Variants in EPHA7 observed in about 807,000 individuals in gnomAD.
The protein encoded by EPHA7 is EPH receptor A7, also known as ephrin type-A receptor 7.
In EPHA7, 25 loss-of-function variants were observed where a neutral mutation model predicts 112.6. The ratio of observed to expected loss-of-function variants is 0.22; its 90% CI spans 0.16 to 0.31. The LOEUF (loss-of-function observed/expected upper bound fraction) is 0.31, where lower values mean the gene tolerates loss of function less well. Ranked by LOEUF, EPHA7 falls within the 10% of genes least tolerant of loss-of-function variation. EPHA7 has a pLI of 1.00. For synonymous variants in EPHA7, 437 were observed against 406.5 expected, an observed-to-expected ratio of 1.07 and a Z score of -0.90; for missense variants, 962 against 1,212.6, an observed-to-expected ratio of 0.79 and a Z score of 3.07.
At position 93,258,231 on chromosome 6, in the gene EPHA7, C is replaced by T. The variant is rs780064217; in HGVS notation, c.1978G>A (p.Val660Ile). The change falls in exon 11 of 17, where the codon GTT (valine) becomes ATT (isoleucine). Residue 660 changes from valine to isoleucine, a missense_variant. Transcript: ENST00000369303. ...GRLKLPGKRD[V>I]AVAIKTLKVG... ...TTCAGGGTTTTTATGGCTACTGCAACATCTCTTTTCCCTGGAAGTTTCAAA... is the reference window on the plus strand; with the variant it reads ...TTCAGGGTTTTTATGGCTACTGCAATATCTCTTTTCCCTGGAAGTTTCAAA... The T allele has an allele frequency of 6.2e-7, 1 of 1,612,546 alleles. No individual in the cohort carries two copies. The highest frequency in any genetic ancestry group is 8.5e-7 in the Non-Finnish European group (1 of 1,179,234).
chr6:93,262,337 CA>C (rs752930957), intron 9 of EPHA7, among the ~76,000 whole-genome samples: 2 of 151,456 alleles, frequency 1.3e-5, no homozygotes, highest in Admixed American at 6.6e-5. Flanking sequence ...GCCAGATTAG[CA>C]AAAGGAAGTT....
intron 2 of EPHA7, among the ~76,000 whole-genome samples, chr6:93,412,966 G>A (rs1458219714): frequency 6.6e-6 from 1 of 151,800 alleles, no homozygotes; most frequent in Non-Finnish European, 1.5e-5. Flanking sequence ...TTCCAGAGGG[G>A]AATGCTTCAG....
At chr6:93,351,979 T>C (rs1271926117) in intron 5 of EPHA7, among the ~76,000 whole-genome samples, 1 of 152,130 alleles carries the variant, frequency 6.6e-6, no homozygotes, top group South Asian at 2.1e-4. Flanking sequence ...TCTAAAATCA[T>C]GTAATTATGT....
chr6:93,363,620 T>A (rs1411650765), intron 3 of EPHA7, among the ~76,000 whole-genome samples: 3 of 152,176 alleles, frequency 2.0e-5, no homozygotes, highest in Non-Finnish European at 4.4e-5. Context: ...TGTGGGAATG[T>A]AAAATGGTGC....
intron 5 of EPHA7, among the ~76,000 whole-genome samples, chr6:93,335,627 A>G (rs1455279786): frequency 6.6e-6 from 1 of 152,114 alleles, no homozygotes; most frequent in Non-Finnish European, 1.5e-5. Context: ...CCCATAACTT[A>G]ACCAGTAATA....
chr6:93,361,056 C>T (rs891326835), intron 3 of EPHA7, among the ~76,000 whole-genome samples: 1 of 151,960 alleles, frequency 6.6e-6, no homozygotes, highest in Admixed American at 6.6e-5. Flanking sequence ...TCCCAACATA[C>T]CTTAAGAAGA....
intron 3 of EPHA7, among the ~76,000 whole-genome samples, chr6:93,376,671 G>A (rs1220746121): frequency 6.6e-6 from 1 of 152,072 alleles, no homozygotes; most frequent in East Asian, 1.9e-4. Flanking sequence ...TAGATTGTAT[G>A]CATAAATGCA....
chr6:93,355,171 G>T (rs1360003501), intron 5 of EPHA7, among the ~76,000 whole-genome samples: 1 of 152,022 alleles, frequency 6.6e-6, no homozygotes, highest in Admixed American at 6.6e-5. Flanking sequence ...GTAAGTCCAG[G>T]TAATTAGCTA....
intron 5 of EPHA7, among the ~76,000 whole-genome samples, chr6:93,307,825 A>C (rs886966851): frequency 3.9e-5 from 6 of 152,200 alleles, no homozygotes; most frequent in African/African-American, 1.4e-4. Context: ...CCATACGTTG[A>C]GCTTGGGAGA....
intron 1 of EPHA7, among the ~76,000 whole-genome samples, chr6:93,418,352 C>A (rs1779349038): frequency 1.3e-5 from 2 of 152,224 alleles, no homozygotes; most frequent in African/African-American, 4.8e-5. Flanking sequence ...CCAAATAAAA[C>A]CTGCCTTCTC....
chr6:93,398,348 C>T (rs1239290654), intron 3 of EPHA7, among the ~76,000 whole-genome samples: 1 of 151,924 alleles, frequency 6.6e-6, no homozygotes, highest in Non-Finnish European at 1.5e-5. Flanking sequence ...ATACAAGTCA[C>T]CGTCCAAATG....
chr6:93,403,778 G>C (rs1211955532), intron 3 of EPHA7, among the ~76,000 whole-genome samples: 3 of 151,894 alleles, frequency 2.0e-5, no homozygotes, highest in Non-Finnish European at 4.4e-5. Flanking sequence ...GAAAATATAT[G>C]GTAACTACGT....
At chr6:93,382,792 A>G (rs774497083) in intron 3 of EPHA7, among the ~76,000 whole-genome samples, 4 of 152,048 alleles carry the variant, frequency 2.6e-5, no homozygotes, top group Non-Finnish European at 5.9e-5. Context: ...TTTTTCTACC[A>G]CTACTCTTTT....
At chr6:93,357,222 G>C (rs984490935) in intron 4 of EPHA7, among the ~76,000 whole-genome samples, 170 bp from the exon 5 acceptor site, 1 of 152,106 alleles carries the variant, frequency 6.6e-6, no homozygotes, top group Admixed American at 6.5e-5. Flanking sequence ...CTTTACTAGA[G>C]AAGCTGTATA....
chr6:93,307,286 T>C (rs1773305212), intron 5 of EPHA7, among the ~76,000 whole-genome samples: 1 of 151,934 alleles, frequency 6.6e-6, no homozygotes, highest in African/African-American at 2.4e-5. Flanking sequence ...AAAATTCTAG[T>C]TAAAAGACAC....
chr6:93,335,162 G>A (rs1774801624), intron 5 of EPHA7, among the ~76,000 whole-genome samples: 1 of 152,030 alleles, frequency 6.6e-6, no homozygotes, highest in Non-Finnish European at 1.5e-5. Context: ...TCAATTAAGT[G>A]TTAACAGACC....
At chr6:93,388,619 T>C (rs1777749578) in intron 3 of EPHA7, among the ~76,000 whole-genome samples, 1 of 152,120 alleles carries the variant, frequency 6.6e-6, no homozygotes, top group Non-Finnish European at 1.5e-5. Flanking sequence ...AAAGCCTCTC[T>C]GACCAGCACG....
Position 93,341,496 on chromosome 6 carries a change from A to G in EPHA7, c.1324+15221T>C, listed in dbSNP as rs115490306. On this transcript the variant is annotated intron_variant, in intron 5 of 16. Coordinates refer to ENST00000369303, the MANE Select transcript of EPHA7 (RefSeq NM_004440.4). ...AATTATGAAAATCAAAAGATAGGAA[A>G]GTATAAAAAGTGAGGTATCTATTAA... Among the ~76,000 whole-genome samples, 510 of 152,002 alleles carry G rather than the reference A, an allele frequency of 3.4e-3. 1 individual carries two copies. The highest frequency in any genetic ancestry group is 0.012 in the African/African-American group (485 of 41,522).
chr6:93,346,950 G>A (rs145373759), intron 5 of EPHA7, among the ~76,000 whole-genome samples: 2 of 151,668 alleles, frequency 1.3e-5, no homozygotes, highest in African/African-American at 2.4e-5. Context: ...ACATAAACTC[G>A]CAATTGCAAA....
Sources: gnomAD v4.1 joint callset for allele counts (sites outside exome capture counted in the v4.1 genomes callset) on GRCh38, gnomAD v4.1.1 for gene constraint, MANE v1.5 for transcripts, NCBI Gene and HGNC (gene_info 2026-07-23, HGNC 2026-07-21) for gene names.